Variants in ELMO1 observed in about 807,000 individuals in gnomAD.
The protein encoded by ELMO1 is engulfment and cell motility protein 1.
ELMO1 carries 26 observed loss-of-function variants against 98.9 expected under a neutral mutation model. That is an observed-to-expected ratio of 0.26 (90% confidence interval 0.19 to 0.36). ELMO1 has a LOEUF of 0.36. ELMO1 is among the 10% of genes least tolerant of loss of function. ELMO1 has a pLI of 1.00. For synonymous variants in ELMO1, 346 were observed against 346.0 expected, an observed-to-expected ratio of 1.00 and a Z score of 0.00; for missense variants, 627 against 935.2, an observed-to-expected ratio of 0.67 and a Z score of 4.30.
intron 16 of ELMO1, among the ~76,000 whole-genome samples, chr7:36,966,924 G>A (rs1789486977): frequency 6.6e-6 from 1 of 152,228 alleles, no homozygotes; most frequent in African/African-American, 2.4e-5. Context: ...CTGGCCACTG[G>A]AGAACAAATT....
Position 37,441,706 on chromosome 7 carries a change from G to C in ELMO1, c.-74+6969C>G, listed in dbSNP as rs576985030. Among the ~76,000 whole-genome samples, 40 of 152,286 alleles carry C rather than the reference G, an allele frequency of 2.6e-4. No individual in the cohort carries two copies. The South Asian group carries it at 6.8e-3, about 26-fold the overall frequency. Reference sequence around the variant, plus strand: ...ACCAGTGGTCAGAATTCAAAACGTTGTTAAGAAACTGAGACAAAAACTCAC... The same window carrying C: ...ACCAGTGGTCAGAATTCAAAACGTTCTTAAGAAACTGAGACAAAAACTCAC... On this transcript the variant is annotated intron_variant, in intron 1 of 21. Transcript: ENST00000310758.
chr7:37,015,374 G>A (rs1049660481), intron 15 of ELMO1, among the ~76,000 whole-genome samples: 4 of 152,104 alleles, frequency 2.6e-5, no homozygotes, highest in African/African-American at 9.7e-5. Context: ...CGAGGCGGGT[G>A]GATCATCTGA....
chr7:37,174,581 C>G (rs1415950875), intron 13 of ELMO1, among the ~76,000 whole-genome samples: 1 of 152,128 alleles, frequency 6.6e-6, no homozygotes, highest in Admixed American at 6.6e-5. Flanking sequence ...CTCTTGTAAT[C>G]CAGCATCCAG....
At chr7:37,345,535 C>T (rs1562632228) in intron 1 of ELMO1, among the ~76,000 whole-genome samples, 1 of 152,000 alleles carries the variant, frequency 6.6e-6, no homozygotes, top group East Asian at 1.9e-4. Flanking sequence ...CATGGTGAAA[C>T]CTCATCTCTA....
At chr7:37,375,875 C>G in intron 1 of ELMO1, 1 of 693,908 alleles carries the variant, frequency 1.4e-6, no homozygotes, top group Non-Finnish European at 2.6e-6. Flanking sequence ...GCAAGACTCA[C>G]AAGAGGGGAA....
chr7:36,979,750 A>G (rs999164447), intron 16 of ELMO1, among the ~76,000 whole-genome samples: 1 of 152,168 alleles, frequency 6.6e-6, no homozygotes, highest in African/African-American at 2.4e-5. Flanking sequence ...TTGCTGGCTC[A>G]TTAGGCAAGG....
chr7:36,905,910 A>C (rs1285443663), intron 16 of ELMO1, among the ~76,000 whole-genome samples: 2 of 152,276 alleles, frequency 1.3e-5, no homozygotes, highest in Non-Finnish European at 2.9e-5. Context: ...TCTCATATCA[A>C]GGGTAGAACC....
intron 15 of ELMO1, among the ~76,000 whole-genome samples, chr7:37,062,618 GATAA>G (rs935910569): frequency 1.2e-4 from 18 of 152,260 alleles, no homozygotes; most frequent in African/African-American, 3.1e-4. Flanking sequence ...TGGGGAAAGG[GATAA>G]ATACTTATGT....
At chr7:36,967,749 A>G (rs1789569783) in intron 16 of ELMO1, among the ~76,000 whole-genome samples, 1 of 152,204 alleles carries the variant, frequency 6.6e-6, no homozygotes, top group Non-Finnish European at 1.5e-5. Context: ...ACGAAATAAA[A>G]AAGAATTCAG....
chr7:37,361,796 A>C (rs1363404604), intron 1 of ELMO1, among the ~76,000 whole-genome samples: 1 of 146,210 alleles, frequency 6.8e-6, no homozygotes, highest in Non-Finnish European at 1.5e-5. Flanking sequence ...CTGTTTCTAT[A>C]AAAAAGACAA....
At chr7:37,039,496 T>C (rs1380072007) in intron 15 of ELMO1, among the ~76,000 whole-genome samples, 2 of 152,214 alleles carry the variant, frequency 1.3e-5, no homozygotes, top group African/African-American at 4.8e-5. Flanking sequence ...TTTGTCTTAA[T>C]ACTGACTCAA....
At chr7:37,312,289 A>C (rs978065981) in intron 4 of ELMO1, among the ~76,000 whole-genome samples, 1 of 152,186 alleles carries the variant, frequency 6.6e-6, no homozygotes, top group Non-Finnish European at 1.5e-5. Context: ...TGGTTTTGCC[A>C]TGTTGGCCAG....
chr7:37,110,365 G>A (rs1159586732), intron 14 of ELMO1, among the ~76,000 whole-genome samples: 1 of 152,126 alleles, frequency 6.6e-6, no homozygotes. Context: ...CCCTACCTCT[G>A]CCCAGAGGTC....
intron 16 of ELMO1, among the ~76,000 whole-genome samples, chr7:37,002,740 A>ATGTG (rs1213011649): frequency 6.6e-6 from 1 of 152,212 alleles, no homozygotes; most frequent in Admixed American, 6.5e-5. Context: ...TGGAATGCTG[A>ATGTG]TGTGGCTGTG....
Position 37,032,667 on chromosome 7 carries a change from CA to C in ELMO1, c.1301-19233del, listed in dbSNP as rs1036325276. 6.6e-4 allele frequency among the ~76,000 whole-genome samples: 101 copies of C among 152,306 alleles called. 1 individual carries two copies. The highest frequency in any genetic ancestry group is 2.4e-3 in the African/African-American group (100 of 41,568). On this transcript the variant is annotated intron_variant, in intron 15 of 21. Transcript: ENST00000310758. ...GTGAGCATGAAGCAAAGTGAGAGGA[CA>C]ATCCAACCACGACAATCTTCTGGAT...
intron 13 of ELMO1, among the ~76,000 whole-genome samples, chr7:37,190,910 C>G (rs1259691921): frequency 6.6e-6 from 1 of 151,728 alleles, no homozygotes; most frequent in Non-Finnish European, 1.5e-5. Flanking sequence ...CTGGAAAGGC[C>G]AGGCACGGTG....
intron 16 of ELMO1, among the ~76,000 whole-genome samples, chr7:36,990,103 T>C (rs369387587): frequency 5.3e-5 from 8 of 152,144 alleles, no homozygotes; most frequent in Admixed American, 4.6e-4. Flanking sequence ...AAAATAGCTA[T>C]AGCATCTTCG....
intron 16 of ELMO1, among the ~76,000 whole-genome samples, chr7:36,999,198 T>C (rs910304967): frequency 2.0e-5 from 3 of 152,158 alleles, no homozygotes; most frequent in African/African-American, 7.2e-5. Flanking sequence ...CTAGAATCCA[T>C]GCCTCTCCAT....
chr7:37,221,209 T>C (rs1279158376), intron 10 of ELMO1, among the ~76,000 whole-genome samples: 1 of 152,162 alleles, frequency 6.6e-6, no homozygotes, highest in Admixed American at 6.5e-5. Context: ...GTGACACCAC[T>C]ACTTGTGCAA....
Sources: gnomAD v4.1 joint callset for allele counts (sites outside exome capture counted in the v4.1 genomes callset) on GRCh38, gnomAD v4.1.1 for gene constraint, MANE v1.5 for transcripts, NCBI Gene and HGNC (gene_info 2026-07-23, HGNC 2026-07-21) for gene names.